Variants in CBFB observed in about 807,000 individuals in gnomAD.
CBFB encodes the protein CBF-beta.
A neutral mutation model predicts 30.4 loss-of-function variants in CBFB; 9 were observed. The observed-to-expected ratio is 0.30, with a 90% confidence interval of 0.18 to 0.52. CBFB has a LOEUF of 0.52. Ranked by LOEUF, CBFB falls within the 20% of genes least tolerant of loss-of-function variation. CBFB has a pLI of 0.97. For missense variants in CBFB, 170 were observed against 244.0 expected, an observed-to-expected ratio of 0.70 and a Z score of 2.02; for synonymous variants, 94 against 84.0, an observed-to-expected ratio of 1.12 and a Z score of -0.65.
intron 3 of CBFB, among the ~76,000 whole-genome samples, chr16:67,066,175 G>A (rs568246603): frequency 5.9e-5 from 9 of 152,124 alleles, no homozygotes; most frequent in South Asian, 2.1e-4. Flanking sequence ...AGGAACCCAC[G>A]TTGAGGGAAG....
intron 3 of CBFB, among the ~76,000 whole-genome samples, chr16:67,049,623 A>G (rs1966703979): frequency 6.6e-6 from 1 of 152,046 alleles, no homozygotes; most frequent in African/African-American, 2.4e-5. Context: ...CTGGGACTGT[A>G]GGCACATGCC....
At chr16:67,038,123 T>G (rs1029122443) in intron 3 of CBFB, among the ~76,000 whole-genome samples, 3 of 152,074 alleles carry the variant, frequency 2.0e-5, no homozygotes, top group African/African-American at 7.2e-5. Context: ...CATACTTTTT[T>G]TGTGTGTGTT....
intron 2 of CBFB, among the ~76,000 whole-genome samples, chr16:67,030,412 GCA>G (rs1180651328): frequency 6.6e-6 from 1 of 151,960 alleles, no homozygotes; most frequent in Non-Finnish European, 1.5e-5. Flanking sequence ...CCTAAAAACT[GCA>G]CAGATGGGCA....
chr16:67,047,884 C>T (rs1230842291), intron 3 of CBFB, among the ~76,000 whole-genome samples: 1 of 152,034 alleles, frequency 6.6e-6, no homozygotes, highest in Non-Finnish European at 1.5e-5. Context: ...GCGTGGCCAG[C>T]ATGGTGAAGC....
intron 3 of CBFB, among the ~76,000 whole-genome samples, chr16:67,060,486 A>C (rs988957739): frequency 6.6e-6 from 1 of 152,010 alleles, no homozygotes; most frequent in Non-Finnish European, 1.5e-5. Flanking sequence ...GCAACTACTT[A>C]TCTCCTTCGT....
At chr16:67,096,332 T>C (rs1283264117) in intron 5 of CBFB, among the ~76,000 whole-genome samples, 1 of 151,702 alleles carries the variant, frequency 6.6e-6, no homozygotes, top group African/African-American at 2.4e-5. Context: ...ATAATAATAA[T>C]TAGTTAATTC....
chr16:67,081,904 T>C (rs1961568268), intron 4 of CBFB, among the ~76,000 whole-genome samples: 1 of 151,022 alleles, frequency 6.6e-6, no homozygotes, highest in Non-Finnish European at 1.5e-5. Context: ...CACTGCAACC[T>C]TCACCTCCTG....
At chr16:67,078,376 C>T (rs1961465902) in intron 4 of CBFB, among the ~76,000 whole-genome samples, 1 of 151,988 alleles carries the variant, frequency 6.6e-6, no homozygotes, top group Non-Finnish European at 1.5e-5. Context: ...AGCGAGACCT[C>T]ATCTCTCTAT....
chr16:67,042,243 T>G (rs1307713920), intron 3 of CBFB, among the ~76,000 whole-genome samples: 1 of 151,746 alleles, frequency 6.6e-6, no homozygotes, highest in Non-Finnish European at 1.5e-5. Flanking sequence ...AATCATTTGT[T>G]TCTAAGTGTT....
intron 5 of CBFB, among the ~76,000 whole-genome samples, chr16:67,091,410 C>T (rs1198769597): frequency 2.6e-5 from 4 of 152,130 alleles, no homozygotes; most frequent in African/African-American, 7.2e-5. Context: ...AGGCAGTGTA[C>T]ATTATAATTT....
At chr16:67,056,471 A>G (rs1392258958) in intron 3 of CBFB, among the ~76,000 whole-genome samples, 2 of 152,206 alleles carry the variant, frequency 1.3e-5, no homozygotes, top group African/African-American at 4.8e-5. Flanking sequence ...TCACTGATAC[A>G]GTGTTCATGT....
chr16:67,077,312 T>C (rs1422756310), intron 4 of CBFB, among the ~76,000 whole-genome samples: 5 of 152,230 alleles, frequency 3.3e-5, no homozygotes, highest in Non-Finnish European at 2.9e-5. Flanking sequence ...ATTTTCTGTT[T>C]GAAGTACTTG....
At chr16:67,058,086 C>T (rs1960781642) in intron 3 of CBFB, among the ~76,000 whole-genome samples, 1 of 152,164 alleles carries the variant, frequency 6.6e-6, no homozygotes, top group African/African-American at 2.4e-5. Context: ...CATTTGTAGT[C>T]TTTCCAGTCA....
intron 5 of CBFB, among the ~76,000 whole-genome samples, chr16:67,084,212 A>G (rs1961653517): frequency 6.6e-6 from 1 of 151,262 alleles, no homozygotes; most frequent in Non-Finnish European, 1.5e-5. Flanking sequence ...AAAAATAATC[A>G]AGATAAGAAC....
At chr16:67,058,160 A>T (rs963228121) in intron 3 of CBFB, among the ~76,000 whole-genome samples, 2 of 145,350 alleles carry the variant, frequency 1.4e-5, no homozygotes, top group African/African-American at 2.5e-5. Flanking sequence ...GTTGTTGTTG[A>T]GATGGAGTCT....
intron 5 of CBFB, among the ~76,000 whole-genome samples, chr16:67,082,549 A>G (rs1453179424): frequency 6.6e-6 from 1 of 152,196 alleles, no homozygotes; most frequent in Admixed American, 6.5e-5. Flanking sequence ...ATTTACTATA[A>G]TAAGGTATAT....
At chr16:67,051,150 T>C (rs915256377) in intron 3 of CBFB, among the ~76,000 whole-genome samples, 5 of 152,224 alleles carry the variant, frequency 3.3e-5, no homozygotes, top group Admixed American at 3.3e-4. Flanking sequence ...TTTTAAGTTA[T>C]TTTTCATTTG....
chr16:67,076,415 A>G (rs1961397334), intron 4 of CBFB, among the ~76,000 whole-genome samples: 1 of 152,152 alleles, frequency 6.6e-6, no homozygotes, highest in East Asian at 1.9e-4. Context: ...AAAACATCAC[A>G]TGTTATATGA....
intron 4 of CBFB, among the ~76,000 whole-genome samples, chr16:67,076,581 T>C (rs1038933166): frequency 2.6e-5 from 4 of 152,146 alleles, no homozygotes; most frequent in Non-Finnish European, 4.4e-5. Flanking sequence ...CACAAAATTA[T>C]GGATAGTGGT....
Sources: gnomAD v4.1 joint callset for allele counts (sites outside exome capture counted in the v4.1 genomes callset) on GRCh38, gnomAD v4.1.1 for gene constraint, MANE v1.5 for transcripts, NCBI Gene and HGNC (gene_info 2026-07-23, HGNC 2026-07-21) for gene names.